The following HS3ST3B1 variants were observed in gnomAD, a reference collection of about 807,000 sequenced individuals.
HS3ST3B1 encodes heparan sulfate-glucosamine 3-sulfotransferase 3B1.
A neutral mutation model predicts 21.3 loss-of-function variants in HS3ST3B1; 13 were observed. The observed-to-expected ratio is 0.61, with a 90% CI of 0.40 to 0.97. The LOEUF (loss-of-function observed/expected upper bound fraction) is 0.97. Ranked by LOEUF, HS3ST3B1 falls within the 50% of genes least tolerant of loss-of-function variation. The pLI is 0.00. For missense variants in HS3ST3B1, 459 were observed against 554.8 expected (o/e 0.83, Z 1.73); for synonymous variants, 234 against 254.8 (o/e 0.92, Z 0.78).
At chr17:14,343,790 T>C (rs1462833028) in intron 1 of HS3ST3B1, among the ~76,000 whole-genome samples, 1 of 152,230 alleles carries the variant, frequency 6.6e-6, no homozygotes, top group Non-Finnish European at 1.5e-5. Flanking sequence ...AATGCTATTA[T>C]AAAATGAATA....
chr17:14,302,825 C>T (rs1597583677), intron 1 of HS3ST3B1, among the ~76,000 whole-genome samples: 1 of 152,324 alleles, frequency 6.6e-6, no homozygotes, highest in East Asian at 1.9e-4. Context: ...CCCGTTTCCG[C>T]CTCCCTGCCC....
chr17:14,345,699 A>G lies in HS3ST3B1; in HGVS notation c.*53A>G. ...CGTGGCTTATCTATTGACAGAGATT[A>G]TATGTATGTAAAATGTACAGAAATC... On this transcript the variant is annotated 3_prime_UTR_variant, in exon 2 of 2. Coordinates refer to ENST00000360954, the MANE Select transcript of HS3ST3B1 (RefSeq NM_006041.3). The G allele has an allele frequency of 1.9e-6, 3 of 1,554,212 alleles. No individual in the cohort carries two copies. Among genetic ancestry groups the G allele is most frequent in the Non-Finnish European group, 2.6e-6 (3 of 1,151,808 alleles).
chr17:14,341,607 C>T (rs551235391), intron 1 of HS3ST3B1, among the ~76,000 whole-genome samples: 2 of 151,924 alleles, frequency 1.3e-5, no homozygotes, highest in African/African-American at 2.4e-5. Context: ...GGTTCACACA[C>T]GTTAGTAAAT....
chr17:14,301,303 C>A lies in HS3ST3B1; in HGVS notation c.-216C>A. The stretch of plus-strand genomic sequence containing the variant: ...TCCCGACTTTCCGTTCCAGTTGCAG[C>A]TCCTGCCGGGCAACATGTCAAGAGC... On this transcript the variant is annotated 5_prime_UTR_variant, in exon 1 of 2. Transcript: ENST00000360954. The A allele has an allele frequency of 2.0e-6, 1 of 497,622 alleles. No individual in the cohort carries two copies. The highest frequency in any genetic ancestry group is 3.5e-6 in the Non-Finnish European group (1 of 287,466). The allele number at this position is 497,622 out of a possible 1,614,324, so 30.8% of individuals were successfully genotyped here.
chr17:14,325,416 A>G (rs1255177451), intron 1 of HS3ST3B1, among the ~76,000 whole-genome samples: 1 of 152,260 alleles, frequency 6.6e-6, no homozygotes, highest in Non-Finnish European at 1.5e-5. Flanking sequence ...TAATTAACAA[A>G]TAGATGAGAA....
chr17:14,332,829 C>CTTTTTTTTTTTTTTTTTTTT (rs71147859), intron 1 of HS3ST3B1, among the ~76,000 whole-genome samples: 1 of 91,040 alleles, frequency 1.1e-5, no homozygotes. Flanking sequence ...GACCTTTTAT[C>CTTTTTTTTTTTTTTTTTTTT]TTTTTTTTTT....
Position 14,301,734 on chromosome 17 carries a change from C to A in HS3ST3B1, c.216C>A (p.His72Gln), listed in dbSNP as rs374291273. The change falls in exon 1 of 2, where the codon CAC (histidine) becomes CAA (glutamine). Residue 72 changes from histidine (H) to glutamine (Q), a missense_variant. Around this residue, in one of 3 missense-constraint regions of HS3ST3B1, gnomAD observed 317 missense variants for 278.6 expected, o/e 1.14. Coordinates refer to ENST00000360954, the MANE Select transcript of HS3ST3B1 (RefSeq NM_006041.3). ...TGGGCTCTGGGTCCCGCGCCGCACA[C>A]GACCCGCCAGCCCTGGCCACAGCTC... is the stretch of plus-strand genomic sequence containing the variant. ...LLLGSGSRAA[H>Q]DPPALATAPD... 2.5e-6 allele frequency: 4 copies of A among 1,597,770 alleles called. No individual in the cohort carries two copies. In the African/African-American group the frequency reaches 5.4e-5, roughly 21 times the overall value.
At chr17:14,311,057 A>G (rs978116818) in intron 1 of HS3ST3B1, among the ~76,000 whole-genome samples, 1 of 151,936 alleles carries the variant, frequency 6.6e-6, no homozygotes, top group Admixed American at 6.6e-5. Context: ...CGTATAAATC[A>G]TGTTTACTTA....
intron 1 of HS3ST3B1, among the ~76,000 whole-genome samples, chr17:14,325,168 G>A (rs566604001): frequency 4.7e-4 from 71 of 152,372 alleles, no homozygotes; most frequent in African/African-American, 1.7e-3. Flanking sequence ...CTGGCATAAA[G>A]AGATTGCCAT....
chr17:14,334,459 C>T lies in HS3ST3B1; in HGVS notation c.555-10569C>T, dbSNP rs369226885. ...CTCAAATTCCTGGGCTTAAGCAATCCTCTTTCCTCAGGGCCTCTGAGGAAC... is the reference window on the plus strand; with the variant it reads ...CTCAAATTCCTGGGCTTAAGCAATCTTCTTTCCTCAGGGCCTCTGAGGAAC... On this transcript the variant is annotated intron_variant, in intron 1 of 1. Coordinates refer to ENST00000360954, the MANE Select transcript of HS3ST3B1 (RefSeq NM_006041.3). Among the ~76,000 whole-genome samples the T allele has an allele frequency of 5.9e-5, 9 of 152,142 alleles. 1 individual carries two copies. Among genetic ancestry groups the T allele is most frequent in the East Asian group, 1.9e-4 (1 of 5,180 alleles).
At chr17:14,321,697 G>T (rs1217485234) in intron 1 of HS3ST3B1, among the ~76,000 whole-genome samples, 1 of 62,854 alleles carries the variant, frequency 1.6e-5, no homozygotes, top group Non-Finnish European at 4.9e-5. Flanking sequence ...GAACACTGAT[G>T]GCGGTTGAAA....
At position 14,345,777 on chromosome 17, in the gene HS3ST3B1, C is replaced by T. The variant is rs1200975511; in HGVS notation, c.*131C>T. On this transcript the variant is annotated 3_prime_UTR_variant, in exon 2 of 2. Coordinates refer to ENST00000360954, the MANE Select transcript of HS3ST3B1 (RefSeq NM_006041.3). Reference sequence around the variant, plus strand: ...ATAAGCAATTAATTCACTAAGCTGCCTAGCCACACTCTTTAGAGAGTTAGC... The same window carrying T: ...ATAAGCAATTAATTCACTAAGCTGCTTAGCCACACTCTTTAGAGAGTTAGC... 2.6e-6 allele frequency: 3 copies of T among 1,145,314 alleles called. No homozygotes were observed. In the East Asian group the frequency reaches 7.9e-5, roughly 30 times the overall value. 70.9% of individuals were successfully genotyped at this position (1,145,314 alleles called of 1,614,324 possible).
chr17:14,337,485 G>T (rs1210218380), intron 1 of HS3ST3B1, among the ~76,000 whole-genome samples: 3 of 147,406 alleles, frequency 2.0e-5, no homozygotes, highest in African/African-American at 7.7e-5. Flanking sequence ...CCGCCATCAT[G>T]CCTGGCTAAT....
chr17:14,329,371 G>GAAAGAAAGAA (rs1567641286), intron 1 of HS3ST3B1: 10 of 62,260 alleles, frequency 1.6e-4, no homozygotes, highest in Admixed American at 4.7e-4. Context: ...GAAAGAAAAG[G>GAAAGAAAGAA]AAGGAAGGAA....
intron 1 of HS3ST3B1, among the ~76,000 whole-genome samples, chr17:14,324,682 T>C (rs1909753228): frequency 6.6e-6 from 1 of 152,220 alleles, no homozygotes; most frequent in Admixed American, 6.5e-5. Flanking sequence ...GGTGTGATCA[T>C]AGCTCACTGC....
At chr17:14,311,620 G>T (rs1278950007) in intron 1 of HS3ST3B1, among the ~76,000 whole-genome samples, 1 of 152,176 alleles carries the variant, frequency 6.6e-6, no homozygotes, top group East Asian at 1.9e-4. Flanking sequence ...AACGGGTAAT[G>T]ACCTGTATCC....
chr17:14,324,103 C>T (rs1024881363), intron 1 of HS3ST3B1, among the ~76,000 whole-genome samples: 1 of 152,080 alleles, frequency 6.6e-6, no homozygotes, highest in Admixed American at 6.6e-5. Flanking sequence ...GACCCAGGAG[C>T]CCTTTTCTCG....
chr17:14,341,366 A>G (rs1910377203), intron 1 of HS3ST3B1, among the ~76,000 whole-genome samples: 1 of 152,150 alleles, frequency 6.6e-6, no homozygotes, highest in African/African-American at 2.4e-5. Flanking sequence ...GAACTGAATG[A>G]GTGACAAGTC....
intron 1 of HS3ST3B1, 70 bp from the exon 2 acceptor site, chr17:14,344,958 C>T (rs1352080643): frequency 4.5e-6 from 7 of 1,540,490 alleles, no homozygotes; most frequent in Admixed American, 2.0e-5. Context: ...GATTAGAAGT[C>T]GTGACCTTAA....
Sources: gnomAD v4.1 joint callset for allele counts (sites outside exome capture counted in the v4.1 genomes callset) on GRCh38, gnomAD v4.1.1 for gene constraint, gnomAD v4.1.1 regional missense constraint, MANE v1.5 for transcripts, NCBI Gene and HGNC (gene_info 2026-07-23, HGNC 2026-07-21) for gene names.